HORMAD2: variants seen among roughly 807,000 people sequenced by gnomAD.
HORMAD2 encodes HORMA domain-containing protein 2.
A neutral mutation model predicts 38.8 loss-of-function variants in HORMAD2; 45 were observed. The ratio of observed to expected loss-of-function variants is 1.16; its 90% CI spans 0.91 to 1.49. HORMAD2 has a LOEUF of 1.49. HORMAD2 is among the 40% of genes most tolerant of loss of function. HORMAD2 has a pLI of 0.00. For synonymous variants in HORMAD2, 126 were observed against 122.8 expected, an observed-to-expected ratio of 1.03 and a Z score of -0.17; for missense variants, 338 against 367.0, an observed-to-expected ratio of 0.92 and a Z score of 0.65.
At chr22:30,113,627 C>G (rs1028684823) in intron 7 of HORMAD2, among the ~76,000 whole-genome samples, 1 of 152,170 alleles carries the variant, frequency 6.6e-6, no homozygotes, top group Non-Finnish European at 1.5e-5. Context: ...GGCTGTGGGA[C>G]AGAAATTGAG....
intron 10 of HORMAD2, among the ~76,000 whole-genome samples, chr22:30,145,011 G>C (rs1441154198): frequency 6.6e-6 from 1 of 152,120 alleles, no homozygotes; most frequent in Non-Finnish European, 1.5e-5. Flanking sequence ...GAGCTGGGAG[G>C]GTGGAGGAAA....
downstream of HORMAD2, among the ~76,000 whole-genome samples, chr22:30,179,877 A>G (rs977550646): frequency 3.3e-5 from 5 of 152,024 alleles, no homozygotes; most frequent in African/African-American, 1.2e-4. Context: ...AAAGTAGTAA[A>G]GTCTCATTAA....
intron 6 of HORMAD2, 116 bp downstream of exon 6, chr22:30,111,932 G>C (rs776233320): frequency 4.4e-6 from 3 of 681,550 alleles, no homozygotes; most frequent in Non-Finnish European, 7.3e-6. Context: ...TTTTTAATCT[G>C]TCTTGGAATT....
intron 10 of HORMAD2, among the ~76,000 whole-genome samples, chr22:30,125,817 T>C (rs1173904928): frequency 6.6e-6 from 1 of 152,196 alleles, no homozygotes; most frequent in East Asian, 1.9e-4. Context: ...TATGTATCAG[T>C]GATACAGCTC....
chr22:30,174,223 TC>T (rs1024270564), intron 10 of HORMAD2, among the ~76,000 whole-genome samples: 15 of 152,228 alleles, frequency 9.9e-5, no homozygotes, highest in African/African-American at 3.6e-4. Flanking sequence ...CATTTGATGA[TC>T]ATCTGATGTT....
chr22:30,102,289 A>G (rs1306276092), intron 3 of HORMAD2, among the ~76,000 whole-genome samples: 1 of 152,194 alleles, frequency 6.6e-6, no homozygotes, highest in African/African-American at 2.4e-5. Flanking sequence ...CATATTTTTG[A>G]TAATAAGCAC....
At chr22:30,078,607 C>CAAAAA (rs55966787), upstream of HORMAD2, among the ~76,000 whole-genome samples, 352 of 28,078 alleles carry the variant, frequency 0.013, 86 homozygotes, top group African/African-American at 0.035. Flanking sequence ...CTCTGTCTCA[C>CAAAAA]AAAAAAAAAA....
At position 30,139,256 on chromosome 22, in the gene HORMAD2, A is replaced by ATATATATG. The variant is rs1555950207; in HGVS notation, c.819+17049_819+17050insGTATATAT. ...TTTATATATATATATGAACTGTACT[A>ATATATATG]TATATATATATATATATATATATAT... On this transcript the variant is annotated intron_variant, in intron 10 of 10. Coordinates refer to ENST00000336726, the MANE Select transcript of HORMAD2 (RefSeq NM_152510.4). Among the ~76,000 whole-genome samples, 30 of 66,820 alleles carry ATATATATG rather than the reference A, an allele frequency of 4.5e-4. No homozygotes were observed. In the East Asian group the frequency reaches 7.3e-3, roughly 16 times the overall value. The allele number at this position is 66,820 out of a possible 152,430, so 43.8% of individuals were successfully genotyped here.
At chr22:30,128,155 A>G (rs932640435) in intron 10 of HORMAD2, among the ~76,000 whole-genome samples, 1 of 152,228 alleles carries the variant, frequency 6.6e-6, no homozygotes, top group Non-Finnish European at 1.5e-5. Flanking sequence ...GATGAAAATT[A>G]TGTTGATTTT....
chr22:30,093,442 T>A (rs988739005), intron 1 of HORMAD2, among the ~76,000 whole-genome samples: 1 of 152,166 alleles, frequency 6.6e-6, no homozygotes, highest in Admixed American at 6.5e-5. Flanking sequence ...ATAATATATA[T>A]TGAGTCTCTA....
chr22:30,202,324 C>G, the HORMAD2 span, among the ~76,000 whole-genome samples: 1 of 150,972 alleles, frequency 6.6e-6, no homozygotes, highest in African/African-American at 2.4e-5. Flanking sequence ...GCATCATGGT[C>G]TTTATGGCCT....
At chr22:30,132,322 C>T (rs1335100303) in intron 10 of HORMAD2, among the ~76,000 whole-genome samples, 1 of 152,152 alleles carries the variant, frequency 6.6e-6, no homozygotes, top group Non-Finnish European at 1.5e-5. Context: ...TGGCTGATGC[C>T]TATAATCCCA....
At chr22:30,160,760 A>G (rs988887491) in intron 10 of HORMAD2, among the ~76,000 whole-genome samples, 3 of 152,352 alleles carry the variant, frequency 2.0e-5, no homozygotes, top group Admixed American at 1.3e-4. Flanking sequence ...AACTAAATTG[A>G]TGCTGTAGAA....
At chr22:30,119,781 A>G (rs2146125473) in intron 8 of HORMAD2, among the ~76,000 whole-genome samples, 1 of 152,246 alleles carries the variant, frequency 6.6e-6, no homozygotes, top group South Asian at 2.1e-4. Context: ...AAGACTGATG[A>G]GAGACATGGC....
At chr22:30,171,354 A>G (rs1014435370) in intron 10 of HORMAD2, among the ~76,000 whole-genome samples, 1 of 152,126 alleles carries the variant, frequency 6.6e-6, no homozygotes, top group Non-Finnish European at 1.5e-5. Context: ...CAAAACTCCC[A>G]TTGTTCTCGA....
intron 3 of HORMAD2, among the ~76,000 whole-genome samples, chr22:30,101,596 A>T (rs1920945895): frequency 6.6e-6 from 1 of 152,160 alleles, no homozygotes; most frequent in African/African-American, 2.4e-5. Flanking sequence ...ATTAAAAAAA[A>T]AAAAAGCTGG....
chr22:30,200,953 T>C, the HORMAD2 span, among the ~76,000 whole-genome samples: 1 of 152,118 alleles, frequency 6.6e-6, no homozygotes, highest in Non-Finnish European at 1.5e-5. Context: ...TTTCACCACG[T>C]TGACCAGGCT....
At chr22:30,096,336 G>A (rs984374713) in intron 2 of HORMAD2, among the ~76,000 whole-genome samples, 2 of 152,112 alleles carry the variant, frequency 1.3e-5, no homozygotes, top group Non-Finnish European at 2.9e-5. Context: ...TGTATATTTA[G>A]CTTTATTATA....
chr22:30,135,388 G>A lies in HORMAD2; in HGVS notation c.819+13174G>A, dbSNP rs111917280. Reference sequence around the variant, plus strand: ...GCTAGGAGGCACCTTCCAGACCACTGGTTCAGGGAGAGAGAACCCAAGCAG... The same window carrying A: ...GCTAGGAGGCACCTTCCAGACCACTAGTTCAGGGAGAGAGAACCCAAGCAG... On this transcript the variant is annotated intron_variant, in intron 10 of 10. Transcript: ENST00000336726. Among the ~76,000 whole-genome samples the A allele has an allele frequency of 4.7e-3, 711 of 151,904 alleles. 7 individuals are homozygous for A. Among genetic ancestry groups the A allele is most frequent in the African/African-American group, 0.016 (666 of 41,408 alleles).
Sources: gnomAD v4.1 joint callset for allele counts (sites outside exome capture counted in the v4.1 genomes callset) on GRCh38, gnomAD v4.1.1 for gene constraint, MANE v1.5 for transcripts, NCBI Gene and HGNC (gene_info 2026-07-23, HGNC 2026-07-21) for gene names.